BAIAP2L1: variants seen among roughly 807,000 people sequenced by gnomAD.
BAIAP2L1 encodes the protein BAR/IMD domain-containing adapter protein 2-like 1.
Under a neutral mutation model 66.3 loss-of-function variants are expected in BAIAP2L1, and 35 were observed. That is an observed-to-expected ratio of 0.53 (90% CI 0.40 to 0.70). BAIAP2L1 has a LOEUF of 0.70. Ranked by LOEUF, BAIAP2L1 falls within the 30% of genes least tolerant of loss-of-function variation. The pLI, the probability that BAIAP2L1 is intolerant of heterozygous loss-of-function variation, is 0.00. For missense variants in BAIAP2L1, 622 were observed against 656.9 expected, an observed-to-expected ratio of 0.95 and a Z score of 0.58; for synonymous variants, 269 against 248.7, an observed-to-expected ratio of 1.08 and a Z score of -0.77.
chr7:98,400,051 G>A (rs928033466), intron 1 of BAIAP2L1: 5 of 151,690 alleles, frequency 3.3e-5, no homozygotes, highest in Non-Finnish European at 7.4e-5. Flanking sequence ...GAGGAAACTC[G>A]AGCTTGTGTC....
intron 12 of BAIAP2L1, 95 bp from the exon 13 acceptor site, chr7:98,294,206 T>C (rs990878932): frequency 1.3e-5 from 18 of 1,372,608 alleles, no homozygotes; most frequent in Non-Finnish European, 1.8e-5. Flanking sequence ...TTGCCCAGGC[T>C]GGTTTCGAAC....
At chr7:98,368,276 G>A (rs571959378) in intron 1 of BAIAP2L1, among the ~76,000 whole-genome samples, 3 of 152,124 alleles carry the variant, frequency 2.0e-5, no homozygotes, top group Non-Finnish European at 4.4e-5. Flanking sequence ...AAAAATTAGC[G>A]GGCGTGGTGG....
At chr7:98,343,055 T>A (rs1005177425) in intron 3 of BAIAP2L1, among the ~76,000 whole-genome samples, 3 of 151,722 alleles carry the variant, frequency 2.0e-5, no homozygotes, top group Non-Finnish European at 2.9e-5. Flanking sequence ...CCACTGACAA[T>A]CTGTTGAGTG....
intron 3 of BAIAP2L1, among the ~76,000 whole-genome samples, chr7:98,330,741 G>A (rs191480726): frequency 8.8e-4 from 134 of 152,226 alleles, no homozygotes; most frequent in African/African-American, 2.7e-3. Flanking sequence ...GGCTTCTGGC[G>A]AGCCCTCAGG....
At chr7:98,386,703 T>G in intron 1 of BAIAP2L1, 1 of 763,970 alleles carries the variant, frequency 1.3e-6, no homozygotes, top group Non-Finnish European at 2.0e-6. Flanking sequence ...GTTTTTTTTT[T>G]TTTTTTTTTT....
intron 12 of BAIAP2L1, among the ~76,000 whole-genome samples, chr7:98,297,119 T>C (rs2116796223): frequency 6.6e-6 from 1 of 152,354 alleles, no homozygotes. Context: ...GTGGTTGGGC[T>C]GCAACTGGAG....
chr7:98,363,100 T>G (rs1802312293), intron 1 of BAIAP2L1, among the ~76,000 whole-genome samples: 3 of 146,076 alleles, frequency 2.1e-5, no homozygotes, highest in African/African-American at 7.7e-5. Flanking sequence ...AGTGGCACGA[T>G]CTCAGCTCAC....
At chr7:98,385,689 T>C (rs1468595280) in intron 1 of BAIAP2L1, 9 of 912,754 alleles carry the variant, frequency 9.9e-6, no homozygotes, top group Admixed American at 2.6e-5. Flanking sequence ...GCTGGGATTA[T>C]AGGCAGGAGC....
At chr7:98,331,776 A>G (rs1801500695) in intron 3 of BAIAP2L1, among the ~76,000 whole-genome samples, 1 of 151,990 alleles carries the variant, frequency 6.6e-6, no homozygotes, top group Admixed American at 6.6e-5. Context: ...GCCAAGAAAA[A>G]TCTTAAAAGC....
At chr7:98,299,401 T>C (rs1800327334) in intron 12 of BAIAP2L1, among the ~76,000 whole-genome samples, 1 of 151,706 alleles carries the variant, frequency 6.6e-6, no homozygotes, top group Non-Finnish European at 1.5e-5. Flanking sequence ...CAAATGATCC[T>C]CCCGCCTCGG....
At chr7:98,393,714 T>A (rs902870069) in intron 1 of BAIAP2L1, among the ~76,000 whole-genome samples, 10 of 148,944 alleles carry the variant, frequency 6.7e-5, no homozygotes, top group Admixed American at 5.3e-4. Context: ...CTTGATCTCC[T>A]GACTTCGCAA....
intron 1 of BAIAP2L1, among the ~76,000 whole-genome samples, chr7:98,377,519 A>G (rs1802661344): frequency 6.6e-6 from 1 of 152,172 alleles, no homozygotes; most frequent in Non-Finnish European, 1.5e-5. Flanking sequence ...AGTATCTTTT[A>G]AAAAGTACCA....
At chr7:98,324,678 A>T (rs1056591724) in intron 3 of BAIAP2L1, among the ~76,000 whole-genome samples, 2 of 152,010 alleles carry the variant, frequency 1.3e-5, no homozygotes, top group Non-Finnish European at 2.9e-5. Flanking sequence ...TGAGACCTCC[A>T]CCATCTCTAC....
At chr7:98,394,878 G>A (rs560279916) in intron 1 of BAIAP2L1, among the ~76,000 whole-genome samples, 59 of 152,318 alleles carry the variant, frequency 3.9e-4, no homozygotes, top group African/African-American at 1.3e-3. Context: ...TTGGGAAGCC[G>A]AGGCAGGCGG....
At chr7:98,365,676 T>C (rs9769767) in intron 1 of BAIAP2L1, among the ~76,000 whole-genome samples, 61,445 of 151,942 alleles carry the variant, frequency 0.4, 13,376 homozygotes, top group Middle Eastern at 0.55. Context: ...GACAGGGTTT[T>C]GCCATGTTGC....
At chr7:98,345,787 G>A (rs776530034) in intron 3 of BAIAP2L1, among the ~76,000 whole-genome samples, 1 of 152,100 alleles carries the variant, frequency 6.6e-6, no homozygotes, top group Non-Finnish European at 1.5e-5. Context: ...AAGAAGATAT[G>A]CAAATGGCTA....
chr7:98,315,789 C>T (rs1164495064), intron 6 of BAIAP2L1, among the ~76,000 whole-genome samples, 177 bp from the exon 7 acceptor site: 2 of 152,142 alleles, frequency 1.3e-5, no homozygotes, highest in Admixed American at 6.5e-5. Flanking sequence ...CATCGTTCTC[C>T]TTGAGGTCCC....
intron 1 of BAIAP2L1, among the ~76,000 whole-genome samples, chr7:98,394,588 C>T (rs1185410605): frequency 6.6e-6 from 1 of 152,176 alleles, no homozygotes; most frequent in Non-Finnish European, 1.5e-5. Flanking sequence ...ATAGCAGCAG[C>T]TGGCAAGGAT....
intron 3 of BAIAP2L1, among the ~76,000 whole-genome samples, chr7:98,334,643 C>T (rs1157018475): frequency 1.3e-5 from 2 of 151,872 alleles, no homozygotes; most frequent in South Asian, 2.1e-4. Flanking sequence ...CTCCTAGGTT[C>T]GAGCAATTCT....
Sources: allele counts gnomAD v4.1 joint callset (sites outside exome capture counted in the v4.1 genomes callset), GRCh38; gene constraint gnomAD v4.1.1; transcripts MANE v1.5; gene names NCBI Gene and HGNC (gene_info 2026-07-23, HGNC 2026-07-21).